Variants in AIG1 observed in about 807,000 individuals in gnomAD.
The protein encoded by AIG1 is androgen induced 1, also known as androgen-induced gene 1 protein.
In AIG1, 23 loss-of-function variants were observed where a neutral mutation model predicts 31.4. That is an observed-to-expected ratio of 0.73 (90% CI 0.53 to 1.04). The LOEUF is 1.04. Ranked by LOEUF, AIG1 falls within the 50% of genes least tolerant of loss-of-function variation. The pLI is 0.00. For missense variants in AIG1, 274 were observed against 295.0 expected (o/e 0.93, Z 0.52); for synonymous variants, 100 against 110.5 (o/e 0.90, Z 0.60).
At chr6:143,320,329 G>T (rs1776107946) in intron 4 of AIG1, among the ~76,000 whole-genome samples, 1 of 152,128 alleles carries the variant, frequency 6.6e-6, no homozygotes, top group African/African-American at 2.4e-5. Context: ...AGTAGAAACA[G>T]AACTACCATA....
intron 3 of AIG1, among the ~76,000 whole-genome samples, chr6:143,216,815 G>C (rs1792067495): frequency 6.6e-6 from 1 of 152,234 alleles, no homozygotes; most frequent in African/African-American, 2.4e-5. Flanking sequence ...CGTGAGGACA[G>C]TGAGGGGAGA....
At chr6:143,090,283 A>G (rs972136780) in intron 1 of AIG1, among the ~76,000 whole-genome samples, 2 of 147,562 alleles carry the variant, frequency 1.4e-5, no homozygotes, top group Admixed American at 6.6e-5. Context: ...TCATCTATCT[A>G]TCTATCTGTC....
At chr6:143,189,186 G>A (rs1040475886) in intron 3 of AIG1, 2 of 417,248 alleles carry the variant, frequency 4.8e-6, no homozygotes, top group Non-Finnish European at 6.4e-6. Context: ...TGGGACCACA[G>A]ATGTGGACCA....
intron 1 of AIG1, among the ~76,000 whole-genome samples, chr6:143,098,958 C>T (rs1780024883): frequency 6.6e-6 from 1 of 152,182 alleles, no homozygotes; most frequent in South Asian, 2.1e-4. Context: ...AAATGAACAG[C>T]TAATATTCTT....
intron 2 of AIG1, 90 bp downstream of exon 2, chr6:143,137,080 A>C (rs1020799519): frequency 7.8e-7 from 1 of 1,275,444 alleles, no homozygotes; most frequent in African/African-American, 1.5e-5. Flanking sequence ...TCATTATAAG[A>C]GGTTTCTGTA....
chr6:143,212,645 A>G (rs1791679589), intron 3 of AIG1, among the ~76,000 whole-genome samples: 1 of 152,126 alleles, frequency 6.6e-6, no homozygotes, highest in South Asian at 2.1e-4. Context: ...TGAATCATAA[A>G]ATGAAAACTC....
downstream of AIG1, chr6:143,342,757 A>G (rs553563536): frequency 3.6e-6 from 3 of 827,632 alleles, no homozygotes; most frequent in South Asian, 2.7e-5. Context: ...GGACTCAGGT[A>G]TCATAGCTGC....
In AIG1 at chr6:143,334,186, A is replaced by G. The variant is rs1384800941; in HGVS notation, c.679+741A>G. On this transcript the variant is annotated intron_variant, in intron 5 of 5. Transcript: ENST00000357847. This position sits in a 1 kb window ranked among gnomAD's most constrained non-coding sequence, Gnocchi z 5.1. ...AAAGGTGGAAAAAGCGCCAGCACAG[A>G]CATGTAGTGATTGAGTCCTGCATGA... 4.6e-6 allele frequency: 6 copies of G among 1,303,874 alleles called. No homozygotes were observed. The Admixed American group carries it at 1.2e-4, about 25-fold the overall frequency. The allele number at this position is 1,303,874 out of a possible 1,614,324, so 80.8% of individuals were successfully genotyped here.
chr6:143,212,307 A>G (rs1207258315), intron 3 of AIG1, among the ~76,000 whole-genome samples: 1 of 152,164 alleles, frequency 6.6e-6, no homozygotes, highest in East Asian at 1.9e-4. Context: ...AAAACCCACA[A>G]CTACACTATA....
rs144412445 is a variant in AIG1 at position 143,171,902 on chromosome 6, G to A, written c.399+6719G>A. Among the ~76,000 whole-genome samples the A allele has an allele frequency of 1.5e-3, 229 of 152,014 alleles. 1 individual carries two copies. The highest frequency in any genetic ancestry group is 5.3e-3 in the African/African-American group (221 of 41,460). Reference sequence around the variant, plus strand: ...CAGGAGTCAGATGGTATTGCATTGTGGTTTTGATTTGCATTTCCCGGATTA... The same window carrying A: ...CAGGAGTCAGATGGTATTGCATTGTAGTTTTGATTTGCATTTCCCGGATTA... On this transcript the variant is annotated intron_variant, in intron 3 of 5. Transcript: ENST00000357847.
rs1795406482 is a variant in AIG1 at position 143,256,834 on chromosome 6, T to C, written c.400-27276T>C. ...CAGTCCAAATTAGCTGGAAGATACT[T>C]ATTTTCTCTGACTCTTGTAAAAATG... On this transcript the variant is annotated intron_variant, in intron 3 of 5. Coordinates refer to ENST00000357847, the MANE Select transcript of AIG1 (RefSeq NM_016108.4). This position sits in a 1 kb window ranked among gnomAD's most constrained non-coding sequence, Gnocchi z 4.6. Among the ~76,000 whole-genome samples, 1 of 152,228 alleles carries C rather than the reference T, an allele frequency of 6.6e-6. No individual in the cohort carries two copies.
At chr6:143,166,465 A>G (rs990294366) in intron 3 of AIG1, among the ~76,000 whole-genome samples, 1 of 152,140 alleles carries the variant, frequency 6.6e-6, no homozygotes, top group Non-Finnish European at 1.5e-5. Context: ...CTTAGTTCCT[A>G]TCTTCTTTAA....
In AIG1 at chr6:143,329,489, A is replaced by G. The variant is rs913998978; in HGVS notation, c.516-3793A>G. On this transcript the variant is annotated intron_variant, in intron 4 of 5. Transcript: ENST00000357847. This position sits in a 1 kb window ranked among gnomAD's most constrained non-coding sequence, Gnocchi z 4.9. ...TTCACATTACATTAGCAGCTCTGACATAGTCTCATTTATACCCTATAAGCT... is the reference window on the plus strand; with the variant it reads ...TTCACATTACATTAGCAGCTCTGACGTAGTCTCATTTATACCCTATAAGCT... Among the ~76,000 whole-genome samples, 2 of 152,224 alleles carry G rather than the reference A, an allele frequency of 1.3e-5. No individual in the cohort carries two copies. Among genetic ancestry groups the G allele is most frequent in the Admixed American group, 6.5e-5 (1 of 15,280 alleles).
chr6:143,133,990 A>AATG (rs1399905340), intron 1 of AIG1, among the ~76,000 whole-genome samples: 1 of 152,068 alleles, frequency 6.6e-6, no homozygotes, highest in African/African-American at 2.4e-5. Flanking sequence ...GAGCTTACCA[A>AATG]ACCCTATTTT....
intron 3 of AIG1, among the ~76,000 whole-genome samples, chr6:143,218,664 A>G (rs1792221402): frequency 6.6e-6 from 1 of 152,184 alleles, no homozygotes; most frequent in Admixed American, 6.5e-5. Context: ...AACCATTCTT[A>G]TGATACAAGA....
intron 3 of AIG1, among the ~76,000 whole-genome samples, chr6:143,243,079 A>T (rs1303142494): frequency 6.6e-6 from 1 of 152,088 alleles, no homozygotes; most frequent in East Asian, 1.9e-4. Context: ...GGTTCCTGAG[A>T]TCAGGCTAGA....
At chr6:143,145,489 AG>A (rs1465056486) in intron 2 of AIG1, among the ~76,000 whole-genome samples, 2 of 152,134 alleles carry the variant, frequency 1.3e-5, no homozygotes, top group Admixed American at 6.5e-5. Context: ...AAGAAACTCT[AG>A]GGAGCCCTCC....
intron 3 of AIG1, among the ~76,000 whole-genome samples, chr6:143,195,502 GT>G (rs1268622547): frequency 1.3e-5 from 2 of 152,164 alleles, no homozygotes; most frequent in Non-Finnish European, 2.9e-5. Context: ...GGAAGATGGG[GT>G]CAGATGAACA....
At chr6:143,140,244 C>T (rs1164532396) in intron 2 of AIG1, among the ~76,000 whole-genome samples, 1 of 152,156 alleles carries the variant, frequency 6.6e-6, no homozygotes, top group Non-Finnish European at 1.5e-5. Context: ...TGGGTCCCTC[C>T]CACGACACAC....
Sources: allele counts gnomAD v4.1 joint callset (sites outside exome capture counted in the v4.1 genomes callset), GRCh38; gene constraint gnomAD v4.1.1; non-coding constraint Gnocchi (gnomAD v3.1); transcripts MANE v1.5; gene names NCBI Gene and HGNC (gene_info 2026-07-23, HGNC 2026-07-21).